IKZF3: variants seen among roughly 807,000 people sequenced by gnomAD.
IKZF3 encodes zinc finger protein Aiolos.
A neutral mutation model predicts 49.0 loss-of-function variants in IKZF3; 10 were observed. That is an observed-to-expected ratio of 0.20 (90% CI 0.13 to 0.35). The LOEUF (loss-of-function observed/expected upper bound fraction) is 0.35. IKZF3 is among the 10% of genes least tolerant of loss of function. IKZF3 has a pLI of 1.00. For synonymous variants in IKZF3, 209 were observed against 228.2 expected (o/e 0.92, Z 0.76); for missense variants, 498 against 664.8 (o/e 0.75, Z 2.76).
intron 7 of IKZF3, among the ~76,000 whole-genome samples, chr17:39,774,140 TGAGATAGCAGCGG>T (rs982453095): frequency 2.6e-5 from 4 of 152,136 alleles, no homozygotes; most frequent in Admixed American, 1.3e-4. Context: ...CCAGCCCGCC[TGAGATAGCAGCGG>T]GCTGACCTGA....
At position 39,850,016 on chromosome 17, in the gene IKZF3, G is replaced by T. The variant is rs528805377; in HGVS notation, c.7+14104C>A. Among the ~76,000 whole-genome samples the T allele has an allele frequency of 2.2e-3, 293 of 133,940 alleles. 1 individual carries two copies. Among genetic ancestry groups the T allele is most frequent in the African/African-American group, 6.3e-3 (227 of 35,842 alleles). The allele number at this position is 133,940 out of a possible 152,430, so 87.9% of individuals were successfully genotyped here. On this transcript the variant is annotated intron_variant, in intron 1 of 7. Transcript: ENST00000346872. ...AGAACCCAGAAATGGTATTCCTGGG[G>T]GTGTGTGTGTGTGTGTGTATATATA...
chr17:39,846,417 T>C (rs1007422108), intron 1 of IKZF3, among the ~76,000 whole-genome samples: 1 of 152,044 alleles, frequency 6.6e-6, no homozygotes, highest in African/African-American at 2.4e-5. Flanking sequence ...TTTGGCTTTT[T>C]AGATTCTCTT....
At position 39,758,591 on chromosome 17, in the gene IKZF3, G is replaced by A. The variant is rs2060113632; in HGVS notation, c.*7199C>T. On this transcript the variant is annotated 3_prime_UTR_variant, in exon 8 of 8. Coordinates refer to ENST00000346872, the MANE Select transcript of IKZF3 (RefSeq NM_012481.5). Reference sequence around the variant, plus strand: ...AGTGGGGTCAGTGGAGAGATGAACAGTGAGAAACATTTGAAATAACTCAAG... The same window carrying A: ...AGTGGGGTCAGTGGAGAGATGAACAATGAGAAACATTTGAAATAACTCAAG... 6.6e-6 allele frequency: 1 copy of A among 151,988 alleles called. No homozygotes were observed. The highest frequency in any genetic ancestry group is 1.5e-5 in the Non-Finnish European group (1 of 68,034). 9.4% of individuals were successfully genotyped at this position (151,988 alleles called of 1,614,324 possible).
chr17:39,863,351 TTTAG>T (rs1278538168), intron 1 of IKZF3, among the ~76,000 whole-genome samples: 1 of 152,160 alleles, frequency 6.6e-6, no homozygotes, highest in Non-Finnish European at 1.5e-5. Flanking sequence ...AAAGTAACAT[TTTAG>T]TTAGGTGTCA....
chr17:39,857,962 T>TAAAA (rs35840686), intron 1 of IKZF3, among the ~76,000 whole-genome samples: 5 of 117,094 alleles, frequency 4.3e-5, no homozygotes, highest in African/African-American at 1.2e-4. Context: ...TCTCAAAAAT[T>TAAAA]AAAAAAAAAA....
chr17:39,792,334 T>C (rs1052085835), intron 4 of IKZF3, among the ~76,000 whole-genome samples: 8 of 152,210 alleles, frequency 5.3e-5, no homozygotes, highest in Non-Finnish European at 1.0e-4. Context: ...AGATCTGCTC[T>C]TATTAAAAAT....
At chr17:39,847,500 C>A (rs1034032533) in intron 1 of IKZF3, among the ~76,000 whole-genome samples, 2 of 152,038 alleles carry the variant, frequency 1.3e-5, no homozygotes, top group Non-Finnish European at 2.9e-5. Context: ...TGTAGCTGAA[C>A]TCAAATTTAC....
chr17:39,820,712 A>G (rs2061788891), intron 3 of IKZF3, among the ~76,000 whole-genome samples: 1 of 152,152 alleles, frequency 6.6e-6, no homozygotes, highest in Middle Eastern at 3.2e-3. Context: ...GCCCCTTTCA[A>G]TAGCACCTTA....
At chr17:39,860,113 C>T (rs761155851) in intron 1 of IKZF3, among the ~76,000 whole-genome samples, 3 of 151,924 alleles carry the variant, frequency 2.0e-5, no homozygotes, top group Non-Finnish European at 4.4e-5. Context: ...GCGGTTTGTA[C>T]AATAAATTAC....
intron 6 of IKZF3, among the ~76,000 whole-genome samples, chr17:39,782,216 T>G (rs756738766): frequency 5.3e-5 from 8 of 152,198 alleles, no homozygotes; most frequent in Non-Finnish European, 1.0e-4. Context: ...ACTTGTTGGA[T>G]AGCTGATGCA....
chr17:39,847,628 T>C (rs965452627), intron 1 of IKZF3, among the ~76,000 whole-genome samples: 4 of 152,168 alleles, frequency 2.6e-5, no homozygotes, highest in African/African-American at 9.7e-5. Flanking sequence ...GAACCCGTTT[T>C]TGTTTGCCTG....
At position 39,765,827 on chromosome 17, in the gene IKZF3, T is replaced by G. The variant is rs2060273623; in HGVS notation, c.1493A>C (p.His498Pro). ...RSHDRYEFSS[H>P]IARGEHRALL... ...GGCTCTGTGTTCTCCTCTGGCTATG[T>G]GAGACGAGAACTCATACCGATCATG... Residue 498 changes from histidine (H) to proline (P), a missense_variant, in exon 8 of 8, where the codon CAC (histidine) becomes CCC (proline). His to Pro is a moderately conservative substitution (Grantham distance 77). This residue lies in a region of IKZF3 where 317 missense variants were observed against 397.3 expected (regional missense o/e 0.80). Coordinates refer to ENST00000346872, the MANE Select transcript of IKZF3 (RefSeq NM_012481.5). 1 of 1,612,466 alleles carries G rather than the reference T, an allele frequency of 6.2e-7. No individual in the cohort carries two copies. Among genetic ancestry groups the G allele is most frequent in the African/African-American group, 1.3e-5 (1 of 74,924 alleles).
chr17:39,823,959 T>C (rs561441784), intron 3 of IKZF3, among the ~76,000 whole-genome samples: 15 of 152,192 alleles, frequency 9.9e-5, no homozygotes, highest in African/African-American at 3.6e-4. Context: ...CACCGTGTAG[T>C]GGAGCTGTTA....
chr17:39,791,333 TC>T (rs1318094561), intron 5 of IKZF3, 82 bp downstream of exon 5: 1 of 1,420,650 alleles, frequency 7.0e-7, no homozygotes, highest in Non-Finnish European at 9.8e-7. Context: ...ATTGAAACCT[TC>T]CTACTTAACT....
At chr17:39,813,691 C>T (rs1389305252) in intron 3 of IKZF3, among the ~76,000 whole-genome samples, 1 of 152,060 alleles carries the variant, frequency 6.6e-6, no homozygotes, top group Non-Finnish European at 1.5e-5. Flanking sequence ...ACAGAACTTA[C>T]CCGTTTGACA....
chr17:39,765,885 G>T lies in IKZF3; in HGVS notation c.1435C>A (p.Pro479Thr). The T allele has an allele frequency of 6.2e-7, 1 of 1,614,236 alleles. No individual in the cohort carries two copies. Among genetic ancestry groups the T allele is most frequent in the Non-Finnish European group, 8.5e-7 (1 of 1,180,056 alleles). Reference sequence around the variant, plus strand: ...TATCCACACATGTTACACTCGAAAGGGTCACGGAAGCCGTGGCAGCCCATG... The same window carrying T: ...TATCCACACATGTTACACTCGAAAGTGTCACGGAAGCCGTGGCAGCCCATG... ...IHMGCHGFRDPFECNMCGYRS... is the reference protein window; with the variant it reads ...IHMGCHGFRDTFECNMCGYRS... Residue 479 changes from proline (P) to threonine (T), a missense_variant, in exon 8 of 8, where the codon CCT becomes ACT. By Grantham distance (38) the Pro-to-Thr change is conservative. This residue lies in a region of IKZF3 where 317 missense variants were observed against 397.3 expected (regional missense o/e 0.80). Transcript: ENST00000346872.
At chr17:39,785,648 C>T (rs2060856546) in intron 6 of IKZF3, among the ~76,000 whole-genome samples, 1 of 152,040 alleles carries the variant, frequency 6.6e-6, no homozygotes, top group Non-Finnish European at 1.5e-5. Context: ...TGATTTTTCC[C>T]CCTCCTTCCA....
At chr17:39,844,038 A>G (rs2062557751) in intron 1 of IKZF3, among the ~76,000 whole-genome samples, 1 of 152,210 alleles carries the variant, frequency 6.6e-6, no homozygotes, top group South Asian at 2.1e-4. Flanking sequence ...TAAATGCAGC[A>G]AAAACATCTT....
At chr17:39,808,454 G>A (rs2061481806) in intron 3 of IKZF3, among the ~76,000 whole-genome samples, 1 of 152,030 alleles carries the variant, frequency 6.6e-6, no homozygotes, top group Admixed American at 6.5e-5. Flanking sequence ...TTTCTAAATT[G>A]GGCTAAAATT....
Sources: allele counts gnomAD v4.1 joint callset (sites outside exome capture counted in the v4.1 genomes callset), GRCh38; gene constraint gnomAD v4.1.1; regional missense constraint gnomAD v4.1.1; transcripts MANE v1.5; gene names NCBI Gene and HGNC (gene_info 2026-07-23, HGNC 2026-07-21).